BIRC6: variants seen among roughly 807,000 people sequenced by gnomAD.
The protein encoded by BIRC6 is dual E2 ubiquitin-conjugating enzyme/E3 ubiquitin-protein ligase BIRC6.
A neutral mutation model predicts 503.3 loss-of-function variants in BIRC6; 98 were observed. The ratio of observed to expected loss-of-function variants is 0.19; its 90% confidence interval spans 0.17 to 0.23. The LOEUF is 0.23. Ranked by LOEUF, BIRC6 falls within the 10% of genes least tolerant of loss-of-function variation. BIRC6 has a pLI of 1.00. For missense variants in BIRC6, 5,360 were observed against 5,806.0 expected, an observed-to-expected ratio of 0.92 and a Z score of 2.50; for synonymous variants, 2,240 against 2,078.7, an observed-to-expected ratio of 1.08 and a Z score of -2.11.
chr2:32,447,435 C>G (rs1255236494), intron 21 of BIRC6, among the ~76,000 whole-genome samples: 2 of 130,724 alleles, frequency 1.5e-5, no homozygotes, highest in African/African-American at 5.7e-5. Context: ...GGGGGGCTGA[C>G]CCCCCACCTC....
rs940513119 is a variant in BIRC6 at position 32,575,267 on chromosome 2, A to G, written c.13256A>G (p.Asn4419Ser). 6.2e-7 allele frequency: 1 copy of G among 1,613,854 alleles called. No individual in the cohort carries two copies. Among genetic ancestry groups the G allele is most frequent in the Non-Finnish European group, 8.5e-7 (1 of 1,179,886 alleles). ...VPLLLPLSTE[N>S]GEEEEEQSEC... ...CTATTGTTGCCCCTTTCTACAGAGAACGGTGAAGAGGAAGAAGAACAGTCA... is the reference window on the plus strand; with the variant it reads ...CTATTGTTGCCCCTTTCTACAGAGAGCGGTGAAGAGGAAGAAGAACAGTCA... The change falls in exon 66 of 74, where the codon AAC (asparagine) becomes AGC (serine). Residue 4419 changes from asparagine (N) to serine (S), a missense_variant. By Grantham distance (46) the Asn-to-Ser change is conservative. Around this residue, in one of 16 missense-constraint regions of BIRC6, gnomAD observed 477 missense variants for 574.4 expected, o/e 0.83. Coordinates refer to ENST00000421745, the MANE Select transcript of BIRC6 (RefSeq NM_016252.4).
At chr2:32,463,050 C>G in intron 23 of BIRC6, 144 bp from the exon 24 acceptor site, 1 of 547,236 alleles carries the variant, frequency 1.8e-6, no homozygotes, top group Non-Finnish European at 3.1e-6. Flanking sequence ...CTTATTTATA[C>G]TTTCCAGATT....
chr2:32,596,167 A>G (rs1385111103), intron 68 of BIRC6, among the ~76,000 whole-genome samples: 1 of 152,050 alleles, frequency 6.6e-6, no homozygotes, highest in African/African-American at 2.4e-5. Context: ...CACATAAATT[A>G]CCCCTGTAAC....
chr2:32,360,793 A>G (rs760153041), intron 1 of BIRC6, among the ~76,000 whole-genome samples: 1 of 152,142 alleles, frequency 6.6e-6, no homozygotes, highest in Non-Finnish European at 1.5e-5. Context: ...CTTTTTGTAA[A>G]TATATGAGGT....
chr2:32,366,057 G>A (rs984694546), intron 1 of BIRC6, among the ~76,000 whole-genome samples: 3 of 151,748 alleles, frequency 2.0e-5, no homozygotes, highest in Non-Finnish European at 2.9e-5. Context: ...GGTAATTTTC[G>A]TCTTTTTACT....
chr2:32,362,031 A>T (rs75318957), intron 1 of BIRC6, among the ~76,000 whole-genome samples: 1 of 152,288 alleles, frequency 6.6e-6, no homozygotes, highest in East Asian at 1.9e-4. Flanking sequence ...TAAGTTTTCA[A>T]ATCATTTGGG....
At chr2:32,475,395 A>G (rs2049630836) in intron 33 of BIRC6, among the ~76,000 whole-genome samples, 1 of 151,978 alleles carries the variant, frequency 6.6e-6, no homozygotes, top group Non-Finnish European at 1.5e-5. Context: ...CTGTTTGTTC[A>G]TTGTTGTCGA....
chr2:32,471,246 G>A (rs1166187271), intron 32 of BIRC6, 122 bp downstream of exon 32: 1 of 1,249,104 alleles, frequency 8.0e-7, no homozygotes, highest in Non-Finnish European at 1.1e-6. Context: ...CCAGCTGTAT[G>A]TAATTTAAGG....
chr2:32,540,175 G>A (rs1278183728), intron 61 of BIRC6, among the ~76,000 whole-genome samples: 1 of 151,914 alleles, frequency 6.6e-6, no homozygotes, highest in African/African-American at 2.4e-5. Context: ...TAAGTACCAT[G>A]GTTATGATTT....
At chr2:32,391,559 A>T (rs2039235194) in intron 4 of BIRC6, among the ~76,000 whole-genome samples, 1 of 152,194 alleles carries the variant, frequency 6.6e-6, no homozygotes, top group African/African-American at 2.4e-5. Context: ...AATTTAAGGG[A>T]AGAATTTAGA....
intron 5 of BIRC6, among the ~76,000 whole-genome samples, chr2:32,394,568 AC>A (rs1360380449): frequency 2.0e-5 from 3 of 152,128 alleles, no homozygotes; most frequent in Non-Finnish European, 4.4e-5. Context: ...GCAGTGGCTC[AC>A]ACTTGTAATC....
chr2:32,548,316 T>G lies in BIRC6; in HGVS notation c.12975+302T>G, dbSNP rs1244426341. ...CTTGTTTAATGTGTTGTATCTGGCCTTTTTTTTTTTTTTAAGTGTTATTTA... is the reference window on the plus strand; with the variant it reads ...CTTGTTTAATGTGTTGTATCTGGCCGTTTTTTTTTTTTTAAGTGTTATTTA... On this transcript the variant is annotated intron_variant, in intron 64 of 73. Transcript: ENST00000421745. 7.1e-5 allele frequency among the ~76,000 whole-genome samples: 3 copies of G among 42,040 alleles called. No individual in the cohort carries two copies. The South Asian group carries it at 1.4e-3, about 20-fold the overall frequency. 27.6% of individuals were successfully genotyped at this position (42,040 alleles called of 152,430 possible).
rs773380933 is a variant in BIRC6, at chr2:32,395,613, G to A, written c.1034+20G>A. ...ACCTTGGTGAGTCTTGATGTTTCTG[G>A]GCATAATAGGCTAAGTCAGTCGTGT... On this transcript the variant is annotated intron_variant, in intron 6 of 73. Transcript: ENST00000421745. The A allele has an allele frequency of 1.9e-5, 29 of 1,558,786 alleles. No homozygotes were observed. Among genetic ancestry groups the A allele is most frequent in the Middle Eastern group, 1.7e-4 (1 of 5,954 alleles).
intron 46 of BIRC6, 50 bp downstream of exon 46, chr2:32,500,159 GT>G (rs749882149): frequency 2.0e-4 from 286 of 1,428,088 alleles, no homozygotes; most frequent in Non-Finnish European, 2.5e-4. Context: ...ACTATAACTG[GT>G]TTTTTTTTAA....
chr2:32,524,822 A>G (rs2056113168), intron 57 of BIRC6, 66 bp from the exon 58 acceptor site: 2 of 1,094,888 alleles, frequency 1.8e-6, no homozygotes, highest in Admixed American at 3.8e-5. Context: ...TCCCTCTGAA[A>G]CATATATTAC....
intron 66 of BIRC6, among the ~76,000 whole-genome samples, chr2:32,591,272 T>A (rs1181580480): frequency 1.3e-5 from 2 of 152,228 alleles, no homozygotes; most frequent in African/African-American, 4.8e-5. Context: ...ATATGAAATA[T>A]ATATCATTTC....
In BIRC6 at chr2:32,477,897, A is replaced by T. The variant is rs574848380; in HGVS notation, c.7068+314A>T. Among the ~76,000 whole-genome samples the T allele has an allele frequency of 1.4e-4, 21 of 152,216 alleles. No homozygotes were observed. The South Asian group carries it at 4.4e-3, about 32-fold the overall frequency. Reference sequence around the variant, plus strand: ...AAAAGATGAAAAAAATTCTTTTCAAATTTTTCCTTAAGGAAATCTGATTTA... The same window carrying T: ...AAAAGATGAAAAAAATTCTTTTCAATTTTTTCCTTAAGGAAATCTGATTTA... On this transcript the variant is annotated intron_variant, in intron 35 of 73. Transcript: ENST00000421745.
At chr2:32,559,918 A>G (rs1354042963) in intron 65 of BIRC6, among the ~76,000 whole-genome samples, 2 of 151,890 alleles carry the variant, frequency 1.3e-5, no homozygotes, top group Non-Finnish European at 2.9e-5. Flanking sequence ...TGGAAGGCTG[A>G]GGCAGGAGAA....
intron 2 of BIRC6, chr2:32,379,223 A>G (rs916984721): frequency 1.7e-4 from 26 of 152,178 alleles, no homozygotes; most frequent in African/African-American, 6.3e-4. Context: ...TTGGATAGAG[A>G]ATTAATTAGT....
Sources: allele counts gnomAD v4.1 joint callset (sites outside exome capture counted in the v4.1 genomes callset), GRCh38; gene constraint gnomAD v4.1.1; regional missense constraint gnomAD v4.1.1; transcripts MANE v1.5; gene names NCBI Gene and HGNC (gene_info 2026-07-23, HGNC 2026-07-21).